Variants in DOCK3 observed in about 807,000 individuals in gnomAD.
The protein encoded by DOCK3 is dedicator of cytokinesis 3.
DOCK3 carries 60 observed loss-of-function variants against 265.6 expected under a neutral mutation model. The ratio of observed to expected loss-of-function variants is 0.23; its 90% CI spans 0.18 to 0.28. The LOEUF (loss-of-function observed/expected upper bound fraction) is 0.28. DOCK3 is among the 10% of genes least tolerant of loss of function. The pLI, the probability that DOCK3 is intolerant of heterozygous loss-of-function variation, is 1.00. For missense variants in DOCK3, 1,981 were observed against 2,594.3 expected (o/e 0.76, Z 5.14); for synonymous variants, 881 against 938.0 (o/e 0.94, Z 1.11).
Position 51,228,027 on chromosome 3 carries a change from C to T in DOCK3, c.1586C>T (p.Thr529Ile). Reference protein sequence around the residue: ...EKKLFGFAFSTLMRDDGTTLS... With the variant: ...EKKLFGFAFSILMRDDGTTLS... ...AAACTCTTTGGCTTTGCATTCTCAA[C>T]CCTGATGCGTGATGATGGCACCACC... is the stretch of plus-strand genomic sequence containing the variant. The change falls in exon 17 of 53, where the codon ACC (threonine) becomes ATC (isoleucine). Residue 529 changes from threonine (T) to isoleucine (I), a missense_variant. Physicochemically the swap from Thr to Ile is moderately conservative, Grantham distance 89. Coordinates refer to ENST00000266037, the MANE Select transcript of DOCK3 (RefSeq NM_004947.5). 6.2e-7 allele frequency: 1 copy of T among 1,614,038 alleles called. No individual in the cohort carries two copies. The highest frequency in any genetic ancestry group is 2.2e-5 in the East Asian group (1 of 44,878).
chr3:51,035,916 C>T (rs1331256596), intron 5 of DOCK3, among the ~76,000 whole-genome samples: 2 of 152,118 alleles, frequency 1.3e-5, no homozygotes, highest in Non-Finnish European at 2.9e-5. Flanking sequence ...CCTTATCAGG[C>T]TTTCTCCTTT....
rs2084641065 is a variant in DOCK3 at position 51,333,174 on chromosome 3, G to A, written c.3532G>A (p.Glu1178Lys). ...CACCAATAGCCTGCTGGAGAAGGTT[G>A]AACAAGAAACATGGCGCGAGACCGG... The part of the protein sequence containing the change: ...GPYPSLLEKV[E>K]QETWRETGIS... The change falls in exon 35 of 53, where the codon GAA becomes AAA. Residue 1178 changes from glutamate (E) to lysine (K), a missense_variant. Physicochemically the swap from Glu to Lys is moderately conservative, Grantham distance 56. Around this residue, in one of 4 missense-constraint regions of DOCK3, gnomAD observed 1,357 missense variants for 1,866.8 expected, o/e 0.73. Coordinates refer to ENST00000266037, the MANE Select transcript of DOCK3 (RefSeq NM_004947.5). 1 of 1,613,852 alleles carries A rather than the reference G, an allele frequency of 6.2e-7. No homozygotes were observed. Among genetic ancestry groups the A allele is most frequent in the Non-Finnish European group, 8.5e-7 (1 of 1,179,902 alleles).
At chr3:51,088,963 C>T (rs912239652) in intron 7 of DOCK3, among the ~76,000 whole-genome samples, 5 of 151,942 alleles carry the variant, frequency 3.3e-5, no homozygotes, top group Non-Finnish European at 7.3e-5. Flanking sequence ...TAGTACCAGG[C>T]ACCGACTTGT....
intron 9 of DOCK3, among the ~76,000 whole-genome samples, chr3:51,131,926 G>A (rs2084572102): frequency 6.6e-6 from 1 of 152,178 alleles, no homozygotes; most frequent in Non-Finnish European, 1.5e-5. Flanking sequence ...CAAAATGCAG[G>A]TGTTGCCCTC....
At chr3:50,770,605 C>T (rs966034887) in intron 1 of DOCK3, among the ~76,000 whole-genome samples, 29 of 151,974 alleles carry the variant, frequency 1.9e-4, no homozygotes, top group Admixed American at 1.4e-3. Flanking sequence ...AAAATTTATA[C>T]GGAACCAGGA....
chr3:50,737,488 A>G (rs1221594397), intron 1 of DOCK3, among the ~76,000 whole-genome samples: 1 of 152,240 alleles, frequency 6.6e-6, no homozygotes, highest in Non-Finnish European at 1.5e-5. Context: ...AACATTGGGG[A>G]TATAATTTGA....
intron 2 of DOCK3, among the ~76,000 whole-genome samples, chr3:50,824,098 C>G (rs1028923827): frequency 1.3e-5 from 2 of 152,192 alleles, no homozygotes; most frequent in African/African-American, 4.8e-5. Context: ...CACTGAGAGT[C>G]TAGACCAGTA....
chr3:51,009,238 A>C (rs1333797944), intron 5 of DOCK3, among the ~76,000 whole-genome samples: 2 of 152,126 alleles, frequency 1.3e-5, no homozygotes, highest in Non-Finnish European at 2.9e-5. Context: ...CTGTGAACCC[A>C]TCTGGTCCTG....
chr3:51,168,343 A>C (rs571012478), intron 12 of DOCK3, among the ~76,000 whole-genome samples: 2 of 152,358 alleles, frequency 1.3e-5, no homozygotes, highest in South Asian at 4.1e-4. Flanking sequence ...TTCAAGCTAT[A>C]CTACAGGACT....
intron 39 of DOCK3, among the ~76,000 whole-genome samples, chr3:51,349,229 G>A (rs1576894446): frequency 6.6e-6 from 1 of 152,326 alleles, no homozygotes; most frequent in African/African-American, 2.4e-5. Context: ...ACTTCACAGA[G>A]AAGCTTTTCC....
chr3:50,825,633 C>G (rs2044714678), intron 2 of DOCK3, among the ~76,000 whole-genome samples: 1 of 152,064 alleles, frequency 6.6e-6, no homozygotes, highest in Admixed American at 6.5e-5. Context: ...TGACAGTATG[C>G]CTACTGAGTA....
At chr3:50,745,904 G>A (rs1005519305) in intron 1 of DOCK3, among the ~76,000 whole-genome samples, 3 of 152,086 alleles carry the variant, frequency 2.0e-5, no homozygotes, top group African/African-American at 7.2e-5. Context: ...TCAGGGGAGG[G>A]ACCAACTCAT....
intron 12 of DOCK3, among the ~76,000 whole-genome samples, chr3:51,161,766 A>AATG (rs1025973779): frequency 6.6e-6 from 1 of 152,192 alleles, no homozygotes; most frequent in African/African-American, 2.4e-5. Flanking sequence ...TGTTTAAAAG[A>AATG]ATGATCATGA....
Position 51,146,587 on chromosome 3 carries a change from C to T in DOCK3, c.785C>T (p.Pro262Leu), listed in dbSNP as rs746150812. Reference sequence around the variant, plus strand: ...GTAAGACTGAACAAGAATGGTGGGCCGAGGAACCCAGAGAAGATAGAACGA... The same window carrying T: ...GTAAGACTGAACAAGAATGGTGGGCTGAGGAACCCAGAGAAGATAGAACGA... ...FLVRLNKNGGPRNPEKIERMC... is the reference protein window; with the variant it reads ...FLVRLNKNGGLRNPEKIERMC... The change falls in exon 10 of 53, where the codon CCG (proline) becomes CTG (leucine). Residue 262 changes from proline to leucine, a missense_variant. Coordinates refer to ENST00000266037, the MANE Select transcript of DOCK3 (RefSeq NM_004947.5). The T allele has an allele frequency of 4.4e-6, 7 of 1,599,344 alleles. No individual in the cohort carries two copies. The highest frequency in any genetic ancestry group is 4.5e-5 in the East Asian group (2 of 44,544).
chr3:51,034,695 T>C (rs1215072060), intron 5 of DOCK3, among the ~76,000 whole-genome samples: 1 of 152,148 alleles, frequency 6.6e-6, no homozygotes, highest in African/African-American at 2.4e-5. Flanking sequence ...TCCAGTGTTA[T>C]TCATTTCTGT....
intron 45 of DOCK3, 49 bp from the exon 46 acceptor site, chr3:51,357,912 C>G: frequency 1.2e-6 from 2 of 1,612,676 alleles, no homozygotes; most frequent in Non-Finnish European, 1.7e-6. Context: ...GAGCAGTTCT[C>G]AGGGGCTACT....
intron 9 of DOCK3, among the ~76,000 whole-genome samples, chr3:51,131,038 G>T (rs2084508139): frequency 6.6e-6 from 1 of 152,140 alleles, no homozygotes; most frequent in South Asian, 2.1e-4. Flanking sequence ...TATTTGTCTA[G>T]GTAGAGGCCA....
intron 7 of DOCK3, among the ~76,000 whole-genome samples, chr3:51,079,097 GTAAATCTA>G (rs1023092217): frequency 6.6e-6 from 1 of 152,094 alleles, no homozygotes; most frequent in African/African-American, 2.4e-5. Flanking sequence ...GTGTTAACAT[GTAAATCTA>G]TTACTGGAAA....
intron 1 of DOCK3, among the ~76,000 whole-genome samples, chr3:50,745,489 T>C (rs1290502717): frequency 2.0e-5 from 3 of 152,268 alleles, no homozygotes; most frequent in Non-Finnish European, 2.9e-5. Context: ...GCAAGTCTTA[T>C]ACTTCCATGG....
Sources: allele counts gnomAD v4.1 joint callset (sites outside exome capture counted in the v4.1 genomes callset), GRCh38; gene constraint gnomAD v4.1.1; regional missense constraint gnomAD v4.1.1; transcripts MANE v1.5; gene names NCBI Gene and HGNC (gene_info 2026-07-23, HGNC 2026-07-21).